TMCC1: variants seen among roughly 807,000 people sequenced by gnomAD.
TMCC1 encodes the protein transmembrane and coiled-coil domains protein 1.
In TMCC1, 15 loss-of-function variants were observed where a neutral mutation model predicts 52.4. The ratio of observed to expected loss-of-function variants is 0.29; its 90% CI spans 0.19 to 0.44. The LOEUF (loss-of-function observed/expected upper bound fraction) is 0.44. TMCC1 is among the 20% of genes least tolerant of loss of function. The pLI, the probability that TMCC1 is intolerant of heterozygous loss-of-function variation, is 1.00. For missense variants in TMCC1, 503 were observed against 806.0 expected, an observed-to-expected ratio of 0.62 and a Z score of 4.55; for synonymous variants, 279 against 301.9, an observed-to-expected ratio of 0.92 and a Z score of 0.79.
chr3:129,874,829 C>A (rs1365631856), intron 2 of TMCC1, among the ~76,000 whole-genome samples: 1 of 152,076 alleles, frequency 6.6e-6, no homozygotes, highest in Non-Finnish European at 1.5e-5. Flanking sequence ...TGCACTCCAG[C>A]TGAGCAAGAG....
intron 4 of TMCC1, among the ~76,000 whole-genome samples, chr3:129,719,353 C>T (rs2049376836): frequency 6.6e-6 from 1 of 152,172 alleles, no homozygotes. Context: ...CATCCCTTCC[C>T]ATATGCCTTG....
intron 2 of TMCC1, among the ~76,000 whole-genome samples, chr3:129,876,090 C>T (rs2061193426): frequency 6.7e-6 from 1 of 149,480 alleles, no homozygotes; most frequent in Admixed American, 6.7e-5. Flanking sequence ...GCCGAGATCA[C>T]ACCACTGCAC....
intron 4 of TMCC1, among the ~76,000 whole-genome samples, chr3:129,796,859 A>C (rs2056864034): frequency 6.6e-6 from 1 of 152,160 alleles, no homozygotes; most frequent in African/African-American, 2.4e-5. Context: ...AAACATCAAT[A>C]TTATTGTGAG....
intron 2 of TMCC1, among the ~76,000 whole-genome samples, chr3:129,850,604 C>T (rs2059873577): frequency 1.3e-5 from 2 of 152,214 alleles, no homozygotes; most frequent in Middle Eastern, 3.4e-3. Flanking sequence ...CAATAGTTGC[C>T]GAGACCAGCT....
intron 4 of TMCC1, among the ~76,000 whole-genome samples, chr3:129,803,592 T>G (rs556146818): frequency 6.6e-6 from 1 of 152,366 alleles, no homozygotes; most frequent in East Asian, 1.9e-4. Context: ...TTTTGTTTCC[T>G]TAAACCTCAC....
chr3:129,798,388 TAAG>T (rs1230476204), intron 4 of TMCC1, among the ~76,000 whole-genome samples: 3 of 152,060 alleles, frequency 2.0e-5, no homozygotes, highest in Admixed American at 6.5e-5. Context: ...CCTAGGAATG[TAAG>T]AAGGATTCAT....
chr3:129,691,146 G>A (rs1264061808), intron 4 of TMCC1, among the ~76,000 whole-genome samples: 1 of 152,212 alleles, frequency 6.6e-6, no homozygotes, highest in African/African-American at 2.4e-5. Flanking sequence ...ACCATTTGAG[G>A]TCTCTACAGA....
intron 4 of TMCC1, among the ~76,000 whole-genome samples, chr3:129,812,631 A>G (rs886996276): frequency 4.6e-5 from 7 of 152,160 alleles, no homozygotes; most frequent in African/African-American, 1.7e-4. Context: ...AGAGACACTA[A>G]GGTTATTGTT....
At chr3:129,718,721 T>G (rs2107587449) in intron 4 of TMCC1, among the ~76,000 whole-genome samples, 1 of 152,350 alleles carries the variant, frequency 6.6e-6, no homozygotes, top group East Asian at 1.9e-4. Context: ...TCCTTATGAT[T>G]TTAGTAACAT....
chr3:129,860,868 G>T (rs2060358738), intron 2 of TMCC1: 1 of 152,186 alleles, frequency 6.6e-6, no homozygotes, highest in African/African-American at 2.4e-5. Context: ...AAAGTACTGG[G>T]ATTACAGGCG....
chr3:129,849,095 A>AC (rs1303820993), intron 2 of TMCC1, among the ~76,000 whole-genome samples: 1 of 152,236 alleles, frequency 6.6e-6, no homozygotes, highest in African/African-American at 2.4e-5. Flanking sequence ...ACTATTAAAC[A>AC]TGTACCACAT....
chr3:129,852,355 T>C (rs577325447), intron 2 of TMCC1, among the ~76,000 whole-genome samples: 2 of 143,866 alleles, frequency 1.4e-5, no homozygotes, highest in Admixed American at 7.3e-5. Context: ...TACTCAGGAG[T>C]CCAAGGTAGG....
At chr3:129,778,353 T>G (rs1334368198) in intron 4 of TMCC1, among the ~76,000 whole-genome samples, 1 of 152,182 alleles carries the variant, frequency 6.6e-6, no homozygotes, top group Non-Finnish European at 1.5e-5. Context: ...AGCATGAAAT[T>G]AGAAAAGACA....
At position 129,649,854 on chromosome 3, in the gene TMCC1, A is replaced by C. The variant is rs1241172716; in HGVS notation, c.*1627T>G. ...TCTCTAGATAAACTCTAAATGTTCA[A>C]GTTCCACCAGGATGATGGAACTGGT... On this transcript the variant is annotated 3_prime_UTR_variant, in exon 7 of 7. Coordinates refer to ENST00000393238, the MANE Select transcript of TMCC1 (RefSeq NM_001017395.5). 1 of 152,506 alleles carries C rather than the reference A, an allele frequency of 6.6e-6. No homozygotes were observed. Among genetic ancestry groups the C allele is most frequent in the East Asian group, 1.9e-4 (1 of 5,202 alleles). The allele number at this position is 152,506 out of a possible 1,614,324, so 9.4% of individuals were successfully genotyped here.
intron 4 of TMCC1, among the ~76,000 whole-genome samples, chr3:129,753,637 C>T (rs1335309272): frequency 6.6e-6 from 1 of 151,972 alleles, no homozygotes; most frequent in Non-Finnish European, 1.5e-5. Context: ...AAAGTTTTTA[C>T]TAAAATGAAA....
intron 2 of TMCC1, among the ~76,000 whole-genome samples, chr3:129,880,089 T>C (rs745649683): frequency 1.3e-5 from 2 of 152,162 alleles, no homozygotes; most frequent in African/African-American, 2.4e-5. Flanking sequence ...CCGTGTCTAA[T>C]AACATTCAGG....
intron 5 of TMCC1, among the ~76,000 whole-genome samples, chr3:129,662,611 C>T (rs1257240125): frequency 1.3e-5 from 2 of 152,070 alleles, no homozygotes; most frequent in Admixed American, 6.6e-5. Flanking sequence ...GCACTCCAGC[C>T]TGGGCAAGAG....
intron 4 of TMCC1, among the ~76,000 whole-genome samples, chr3:129,735,148 G>C (rs144156694): frequency 1.3e-5 from 2 of 152,030 alleles, no homozygotes; most frequent in Non-Finnish European, 2.9e-5. Context: ...TGACCCGCCC[G>C]CCTTGGCCTC....
At chr3:129,797,042 T>C (rs150009135) in intron 4 of TMCC1, among the ~76,000 whole-genome samples, 3 of 151,902 alleles carry the variant, frequency 2.0e-5, no homozygotes, top group South Asian at 4.2e-4. Context: ...ATAACACACA[T>C]AGGCCAGGCG....
Sources: allele counts gnomAD v4.1 joint callset (sites outside exome capture counted in the v4.1 genomes callset), GRCh38; gene constraint gnomAD v4.1.1; transcripts MANE v1.5; gene names NCBI Gene and HGNC (gene_info 2026-07-23, HGNC 2026-07-21).